The following PIK3C2G variants were observed in gnomAD, a reference collection of about 807,000 sequenced individuals.
PIK3C2G encodes the protein phosphatidylinositol 3-kinase C2 domain-containing subunit gamma.
In PIK3C2G, 168 loss-of-function variants were observed where a neutral mutation model predicts 181.1. That is an observed-to-expected ratio of 0.93 (90% CI 0.82 to 1.05). The LOEUF is 1.05. PIK3C2G is among the 50% of genes least tolerant of loss of function. PIK3C2G has a pLI of 0.00. For missense variants in PIK3C2G, 1,869 were observed against 1,732.8 expected, an observed-to-expected ratio of 1.08 and a Z score of -1.40; for synonymous variants, 573 against 592.2, an observed-to-expected ratio of 0.97 and a Z score of 0.47.
intron 18 of PIK3C2G, among the ~76,000 whole-genome samples, chr12:18,441,106 G>A (rs1482043917): frequency 6.6e-6 from 1 of 152,114 alleles, no homozygotes; most frequent in Admixed American, 6.6e-5. Flanking sequence ...TAAACCAAGT[G>A]AGCATGGAAT....
At chr12:18,376,345 T>G (rs1031725986) in intron 13 of PIK3C2G, among the ~76,000 whole-genome samples, 3 of 152,212 alleles carry the variant, frequency 2.0e-5, no homozygotes, top group Admixed American at 6.5e-5. Flanking sequence ...CAGACTTCCA[T>G]GGGACCTGTA....
chr12:18,286,830 G>A lies in PIK3C2G; in HGVS notation c.679-17G>A, dbSNP rs1461319734. 4 of 1,310,162 alleles carry A rather than the reference G, an allele frequency of 3.1e-6. No homozygotes were observed. In the African/African-American group the frequency reaches 6.0e-5, roughly 20 times the overall value. 81.2% of individuals were successfully genotyped at this position (1,310,162 alleles called of 1,614,324 possible). The stretch of plus-strand genomic sequence containing the variant: ...CTCTTCTCCAAATTATATTAATTTA[G>A]TAGATTTTATTTTAAGTCAATAGGT... On this transcript the variant is annotated splice_polypyrimidine_tract_variant and intron_variant, in intron 2 of 32. Coordinates refer to ENST00000538779, the MANE Select transcript of PIK3C2G (RefSeq NM_001288772.2).
At chr12:18,649,774 G>A (rs1424545910), downstream of PIK3C2G, among the ~76,000 whole-genome samples, 1 of 152,156 alleles carries the variant, frequency 6.6e-6, no homozygotes, top group African/African-American at 2.4e-5. Context: ...TGGATACAAT[G>A]AGTAACTCTA....
chr12:18,404,395 T>A (rs1252665131), intron 16 of PIK3C2G, among the ~76,000 whole-genome samples: 1 of 152,164 alleles, frequency 6.6e-6, no homozygotes, highest in Non-Finnish European at 1.5e-5. Context: ...AGTGACTGTC[T>A]CTAAACAAGG....
At chr12:18,705,206 T>A in the PIK3C2G span, 4 of 1,613,908 alleles carry the variant, frequency 2.5e-6, no homozygotes, top group South Asian at 4.4e-5. Flanking sequence ...ATCAAGCATA[T>A]CAGAAAGCAA....
At chr12:18,651,520 A>G (rs1950517519), downstream of PIK3C2G, among the ~76,000 whole-genome samples, 1 of 152,200 alleles carries the variant, frequency 6.6e-6, no homozygotes, top group African/African-American at 2.4e-5. Flanking sequence ...GTTCACTGAC[A>G]GTAGAGACTT....
At chr12:18,667,995 T>C in the PIK3C2G span, among the ~76,000 whole-genome samples, 2 of 152,070 alleles carry the variant, frequency 1.3e-5, no homozygotes, top group African/African-American at 4.8e-5. Flanking sequence ...AGGCAAAAGA[T>C]TTTTACCTAA....
At chr12:18,376,876 G>T (rs532715516) in intron 13 of PIK3C2G, among the ~76,000 whole-genome samples, 1 of 152,204 alleles carries the variant, frequency 6.6e-6, no homozygotes, top group Non-Finnish European at 1.5e-5. Context: ...ATGATTGGAA[G>T]CTTCCTAAGG....
At chr12:18,562,123 A>G (rs981933621) in intron 26 of PIK3C2G, among the ~76,000 whole-genome samples, 2 of 152,144 alleles carry the variant, frequency 1.3e-5, no homozygotes, top group African/African-American at 2.4e-5. Flanking sequence ...AATAAACAAC[A>G]AAATCTTTTT....
chr12:18,658,919 G>T, the PIK3C2G span, among the ~76,000 whole-genome samples: 9 of 151,726 alleles, frequency 5.9e-5, no homozygotes, highest in African/African-American at 2.2e-4. Flanking sequence ...TATTTTTTTT[G>T]TACATTTACC....
chr12:18,705,272 G>C, the PIK3C2G span: 1 of 1,614,064 alleles, frequency 6.2e-7, no homozygotes, highest in East Asian at 2.2e-5. Context: ...TTGGGCAGTG[G>C]AGCAGTGATT....
In PIK3C2G at chr12:18,282,671, A is replaced by G. The variant is rs766973024; in HGVS notation, c.590A>G (p.His197Arg). The part of the protein sequence containing the change: ...MPKEENKRSG[H>R]VNIVEPSLML... ...AAAGAAGAGAATAAAAGGAGTGGAC[A>G]TGTGAACATTGTGGAACCATCTTTG... The change falls in exon 2 of 33, where the codon CAT becomes CGT. Residue 197 changes from histidine (H) to arginine (R), a missense_variant. Physicochemically the swap from His to Arg is conservative, Grantham distance 29. Transcript: ENST00000538779. 6.2e-6 allele frequency: 10 copies of G among 1,613,584 alleles called. No homozygotes were observed. The South Asian group carries it at 1.1e-4, about 18-fold the overall frequency.
At chr12:18,410,461 C>T (rs574692704) in intron 16 of PIK3C2G, among the ~76,000 whole-genome samples, 35 of 148,170 alleles carry the variant, frequency 2.4e-4, no homozygotes, top group African/African-American at 7.5e-5. Flanking sequence ...GCCAAGATTG[C>T]GCTACTGCAC....
At chr12:18,520,467 C>G (rs1401064624) in intron 24 of PIK3C2G, among the ~76,000 whole-genome samples, 8 of 152,026 alleles carry the variant, frequency 5.3e-5, no homozygotes, top group Admixed American at 5.2e-4. Flanking sequence ...GCAAGATAGT[C>G]TTCAAACTCT....
intron 29 of PIK3C2G, among the ~76,000 whole-genome samples, chr12:18,572,518 T>G (rs1455266764): frequency 7.3e-5 from 11 of 151,420 alleles, no homozygotes; most frequent in Admixed American, 7.2e-4. Context: ...CTGATACATA[T>G]CTGGTTTTGT....
the PIK3C2G span, among the ~76,000 whole-genome samples, chr12:18,726,440 C>T: frequency 7.0e-4 from 106 of 152,222 alleles, no homozygotes; most frequent in African/African-American, 2.5e-3. Flanking sequence ...GCTTCAAGAC[C>T]GTGAACATCA....
At chr12:18,435,479 C>A (rs1490679591) in intron 18 of PIK3C2G, among the ~76,000 whole-genome samples, 7 of 152,044 alleles carry the variant, frequency 4.6e-5, no homozygotes, top group Non-Finnish European at 1.0e-4. Flanking sequence ...TCATGGGTAA[C>A]CTCCAGCTGG....
At chr12:18,292,227 A>AAAAAAAT in intron 4 of PIK3C2G, among the ~76,000 whole-genome samples, 5 of 48,732 alleles carry the variant, frequency 1.0e-4, no homozygotes, top group Admixed American at 6.8e-4. Flanking sequence ...AAAAAAAAAA[A>AAAAAAAT]ATATATATAT....
chr12:18,441,129 T>C (rs941948942), intron 18 of PIK3C2G, among the ~76,000 whole-genome samples: 9 of 152,098 alleles, frequency 5.9e-5, no homozygotes, highest in African/African-American at 2.2e-4. Flanking sequence ...TGTAACACTA[T>C]ATAAAGCATC....
Sources: allele counts gnomAD v4.1 joint callset (sites outside exome capture counted in the v4.1 genomes callset), GRCh38; gene constraint gnomAD v4.1.1; transcripts MANE v1.5; gene names NCBI Gene and HGNC (gene_info 2026-07-23, HGNC 2026-07-21).